Variants in NRXN1 observed in about 807,000 individuals in gnomAD.
NRXN1 encodes neurexin-1.
Under a neutral mutation model 150.9 loss-of-function variants are expected in NRXN1, and 39 were observed. The observed-to-expected ratio is 0.26, with a 90% CI of 0.20 to 0.34. The LOEUF (loss-of-function observed/expected upper bound fraction) is 0.34. NRXN1 is among the 10% of genes least tolerant of loss of function. NRXN1 has a pLI of 1.00. For synonymous variants in NRXN1, 924 were observed against 757.0 expected, an observed-to-expected ratio of 1.22 and a Z score of -3.62; for missense variants, 1,815 against 1,949.9, an observed-to-expected ratio of 0.93 and a Z score of 1.30.
Position 50,359,895 on chromosome 2 carries a change from T to C in NRXN1, c.3364+105547A>G, listed in dbSNP as rs577695602. Among the ~76,000 whole-genome samples the C allele has an allele frequency of 2.6e-5, 4 of 152,270 alleles. No individual in the cohort carries two copies. The East Asian group carries it at 7.7e-4, about 29-fold the overall frequency. On this transcript the variant is annotated intron_variant, in intron 17 of 22. Transcript: ENST00000401669. ...ACCCACAAATGGAAGCCCATCACAC[T>C]AACAGCAGCTCTCTCTGCAGAAACC...
intron 18 of NRXN1, among the ~76,000 whole-genome samples, chr2:50,107,262 A>G (rs1222907383): frequency 2.9e-5 from 1 of 34,144 alleles, no homozygotes; most frequent in East Asian, 6.0e-4. Context: ...TACATTAAAA[A>G]AAAAAAAAAA....
At chr2:50,495,645 T>C (rs1458754422) in intron 15 of NRXN1, among the ~76,000 whole-genome samples, 5 of 152,182 alleles carry the variant, frequency 3.3e-5, no homozygotes, top group Admixed American at 1.3e-4. Flanking sequence ...ACCAATATTA[T>C]ATTTTTCTCA....
At chr2:50,204,215 G>C (rs998603242) in intron 18 of NRXN1, among the ~76,000 whole-genome samples, 12 of 152,082 alleles carry the variant, frequency 7.9e-5, no homozygotes, top group African/African-American at 2.9e-4. Context: ...ACTAGGTGAA[G>C]TTAAAATTTG....
intron 21 of NRXN1, chr2:49,969,923 C>G (rs1402649080): frequency 2.0e-5 from 3 of 151,958 alleles, no homozygotes; most frequent in African/African-American, 7.2e-5. Context: ...AGGCTTAGAG[C>G]CAAGATGGTG....
chr2:50,202,669 G>A (rs1248018157), intron 18 of NRXN1, among the ~76,000 whole-genome samples: 1 of 152,092 alleles, frequency 6.6e-6, no homozygotes, highest in Non-Finnish European at 1.5e-5. Flanking sequence ...ATTAACATAT[G>A]TCTAGGCTAA....
intron 5 of NRXN1, among the ~76,000 whole-genome samples, chr2:50,698,201 G>A (rs1037340891): frequency 6.6e-6 from 1 of 152,182 alleles, no homozygotes; most frequent in Admixed American, 6.5e-5. Context: ...GTAGATATTC[G>A]TTGACAGTAT....
intron 18 of NRXN1, among the ~76,000 whole-genome samples, chr2:50,166,276 C>T (rs943423805): frequency 8.4e-6 from 1 of 119,184 alleles, no homozygotes; most frequent in Non-Finnish European, 1.8e-5. Flanking sequence ...GAGTACTCAA[C>T]GTATGTGTGT....
intron 5 of NRXN1, among the ~76,000 whole-genome samples, chr2:50,744,793 T>C (rs1305230844): frequency 6.6e-6 from 1 of 152,160 alleles, no homozygotes; most frequent in African/African-American, 2.4e-5. Flanking sequence ...GCTGTTCTTT[T>C]CTAGGGAAAT....
At chr2:50,602,253 C>A (rs1175744112) in intron 8 of NRXN1, among the ~76,000 whole-genome samples, 9 of 151,410 alleles carry the variant, frequency 5.9e-5, no homozygotes, top group African/African-American at 2.2e-4. Context: ...ATATCAGGAC[C>A]AAAACAAAAC....
intron 21 of NRXN1, among the ~76,000 whole-genome samples, chr2:50,003,732 G>A (rs562429271): frequency 1.3e-5 from 2 of 152,194 alleles, no homozygotes; most frequent in Non-Finnish European, 2.9e-5. Context: ...CCATAATACA[G>A]TGTTCTTTCA....
At chr2:50,153,319 T>A (rs1415829571) in intron 18 of NRXN1, among the ~76,000 whole-genome samples, 1 of 151,682 alleles carries the variant, frequency 6.6e-6, no homozygotes, top group Non-Finnish European at 1.5e-5. Flanking sequence ...GTTTGCCATC[T>A]GGTTTTTCTC....
chr2:50,935,821 G>A (rs1215529387), intron 2 of NRXN1, among the ~76,000 whole-genome samples: 1 of 151,800 alleles, frequency 6.6e-6, no homozygotes, highest in African/African-American at 2.4e-5. Flanking sequence ...GAAATAAAAA[G>A]TTTCATGTCA....
chr2:50,320,297 T>C (rs1178878686), intron 17 of NRXN1, among the ~76,000 whole-genome samples: 66 of 112,986 alleles, frequency 5.8e-4, no homozygotes, highest in African/African-American at 8.9e-4. Context: ...TATATATATA[T>C]ATATATATAT....
intron 5 of NRXN1, among the ~76,000 whole-genome samples, chr2:50,873,374 C>T (rs932148823): frequency 3.3e-5 from 5 of 151,778 alleles, no homozygotes; most frequent in African/African-American, 1.2e-4. Flanking sequence ...ATTGCTAATG[C>T]ACTGTATAGT....
Position 50,464,219 on chromosome 2 carries a change from T to C in NRXN1, c.3364+1223A>G, listed in dbSNP as rs537560858. On this transcript the variant is annotated intron_variant, in intron 17 of 22. Transcript: ENST00000401669. ...TTGCTTCAGGTTTACTGTAATTCTATGGGAGAGGAAACTAGTAAAATGAAG... is the reference window on the plus strand; with the variant it reads ...TTGCTTCAGGTTTACTGTAATTCTACGGGAGAGGAAACTAGTAAAATGAAG... Among the ~76,000 whole-genome samples, 25 of 151,898 alleles carry C rather than the reference T, an allele frequency of 1.6e-4. 2 individuals are homozygous for C. The South Asian group carries it at 5.2e-3, about 32-fold the overall frequency.
intron 5 of NRXN1, among the ~76,000 whole-genome samples, chr2:50,795,987 T>G (rs1172350435): frequency 6.6e-6 from 1 of 152,110 alleles, no homozygotes; most frequent in African/African-American, 2.4e-5. Context: ...ACAAGAAATC[T>G]AATTAGTGCT....
At chr2:50,683,506 C>G (rs949498404) in intron 5 of NRXN1, among the ~76,000 whole-genome samples, 2 of 148,128 alleles carry the variant, frequency 1.4e-5, no homozygotes, top group African/African-American at 5.0e-5. Context: ...GTGGCGGGCT[C>G]CTGTAGTCCT....
At chr2:49,965,293 G>C (rs370228929) in intron 21 of NRXN1, among the ~76,000 whole-genome samples, 16 of 152,220 alleles carry the variant, frequency 1.1e-4, no homozygotes, top group African/African-American at 3.6e-4. Context: ...TTGAGACAGA[G>C]TGTGCCTCCG....
chr2:51,019,958 T>C (rs1478728229), intron 2 of NRXN1, among the ~76,000 whole-genome samples: 4 of 152,014 alleles, frequency 2.6e-5, no homozygotes, highest in Admixed American at 2.6e-4. Flanking sequence ...TCAACATTTT[T>C]CAATATAGAT....
Sources: allele counts gnomAD v4.1 joint callset (sites outside exome capture counted in the v4.1 genomes callset), GRCh38; gene constraint gnomAD v4.1.1; transcripts MANE v1.5; gene names NCBI Gene and HGNC (gene_info 2026-07-23, HGNC 2026-07-21).